Variants in SLC30A8 observed in about 807,000 individuals in gnomAD.
SLC30A8 encodes the protein proton-coupled zinc antiporter SLC30A8.
A neutral mutation model predicts 36.9 loss-of-function variants in SLC30A8; 27 were observed. The observed-to-expected ratio is 0.73, with a 90% CI of 0.54 to 1.01. The LOEUF is 1.01. Among genes scored for constraint, SLC30A8 ranks in the 50% least tolerant of loss-of-function variants. The pLI is 0.00. For synonymous variants in SLC30A8, 164 were observed against 172.4 expected (o/e 0.95, Z 0.38); for missense variants, 439 against 452.0 (o/e 0.97, Z 0.26).
At chr8:116,980,933 G>A (rs775533065) in intron 1 of SLC30A8, among the ~76,000 whole-genome samples, 1 of 152,166 alleles carries the variant, frequency 6.6e-6, no homozygotes, top group African/African-American at 2.4e-5. Context: ...TAATGAATGG[G>A]TGTTCTAATT....
At chr8:117,100,551 G>A (rs1204588668) in intron 2 of SLC30A8, among the ~76,000 whole-genome samples, 1 of 152,134 alleles carries the variant, frequency 6.6e-6, no homozygotes, top group Admixed American at 6.6e-5. Flanking sequence ...TGGAGTACTG[G>A]TTTGTGCTGG....
intron 2 of SLC30A8, among the ~76,000 whole-genome samples, chr8:117,104,639 C>A (rs867718612): frequency 6.6e-6 from 1 of 152,070 alleles, no homozygotes; most frequent in African/African-American, 2.4e-5. Flanking sequence ...TGATCCAGAC[C>A]CCAAGAGAGG....
At chr8:116,984,019 C>T (rs376071424) in intron 1 of SLC30A8, among the ~76,000 whole-genome samples, 23 of 152,224 alleles carry the variant, frequency 1.5e-4, no homozygotes, top group African/African-American at 2.9e-4. Context: ...CTCTAGCCAC[C>T]GCTAATCTGT....
chr8:117,096,980 A>T (rs141638099), intron 2 of SLC30A8, among the ~76,000 whole-genome samples: 2 of 152,228 alleles, frequency 1.3e-5, no homozygotes, highest in Non-Finnish European at 2.9e-5. Context: ...TATCTTTAAG[A>T]AGCTTATATT....
chr8:117,003,758 G>A (rs983747903), intron 1 of SLC30A8, among the ~76,000 whole-genome samples: 4 of 152,150 alleles, frequency 2.6e-5, no homozygotes, highest in African/African-American at 9.7e-5. Context: ...AGCAGTGAAA[G>A]CAAATAGGTT....
At chr8:116,960,518 C>A (rs1814381521) in intron 1 of SLC30A8, among the ~76,000 whole-genome samples, 1 of 152,158 alleles carries the variant, frequency 6.6e-6, no homozygotes, top group African/African-American at 2.4e-5. Flanking sequence ...AAGGGAAATA[C>A]CGTAAGTATT....
At chr8:116,969,578 G>A (rs962707260) in intron 1 of SLC30A8, among the ~76,000 whole-genome samples, 22 of 152,132 alleles carry the variant, frequency 1.4e-4, no homozygotes, top group African/African-American at 7.2e-5. Flanking sequence ...TTGTCATTGC[G>A]CAGACCTCAT....
At chr8:117,164,932 C>T (rs187655495) in intron 6 of SLC30A8, among the ~76,000 whole-genome samples, 55 of 152,240 alleles carry the variant, frequency 3.6e-4, no homozygotes, top group African/African-American at 1.2e-3. Flanking sequence ...CAAAGAAATC[C>T]GTCCTTATGC....
intron 1 of SLC30A8, among the ~76,000 whole-genome samples, chr8:117,038,407 C>A (rs1817282265): frequency 6.6e-6 from 1 of 152,104 alleles, no homozygotes; most frequent in Admixed American, 6.5e-5. Flanking sequence ...ATATCTGCTG[C>A]TGTATATCTT....
rs1315321590 is a variant in SLC30A8, at chr8:117,138,710, T to C, written c.71+3312T>C. Among the ~76,000 whole-genome samples, 3 of 151,902 alleles carry C rather than the reference T, an allele frequency of 2.0e-5. No individual in the cohort carries two copies. In the East Asian group the frequency reaches 5.8e-4, roughly 30 times the overall value. ...TATCCCTGCCCTGGATCACTCATAG[T>C]GTATAGGATGTATTCCAGGAGGCAT... is the stretch of plus-strand genomic sequence containing the variant. On this transcript the variant is annotated intron_variant, in intron 1 of 7. Coordinates refer to ENST00000456015, the MANE Select transcript of SLC30A8 (RefSeq NM_173851.3).
intron 2 of SLC30A8, among the ~76,000 whole-genome samples, chr8:117,050,551 G>A (rs372138303): frequency 6.6e-6 from 1 of 151,876 alleles, no homozygotes; most frequent in Admixed American, 6.6e-5. Context: ...GATTACAGGC[G>A]AGCACCACCG....
chr8:117,069,295 TG>T (rs1818258226), intron 2 of SLC30A8, among the ~76,000 whole-genome samples: 1 of 152,192 alleles, frequency 6.6e-6, no homozygotes, highest in Non-Finnish European at 1.5e-5. Flanking sequence ...AAGTATATCG[TG>T]GTGTTCCAAA....
At chr8:117,009,672 G>A (rs75624332) in intron 1 of SLC30A8, among the ~76,000 whole-genome samples, 2,187 of 152,246 alleles carry the variant, frequency 0.014, 58 homozygotes, top group African/African-American at 0.05. Flanking sequence ...AGGAGAAGCT[G>A]ATAAATTCAG....
At chr8:116,993,637 AAACAGGT>A (rs950311030) in intron 1 of SLC30A8, among the ~76,000 whole-genome samples, 9 of 152,058 alleles carry the variant, frequency 5.9e-5, no homozygotes, top group African/African-American at 2.2e-4. Flanking sequence ...TGGAGAATAG[AAACAGGT>A]AACCAGAATC....
intron 2 of SLC30A8, among the ~76,000 whole-genome samples, chr8:117,045,243 C>T (rs1482189914): frequency 6.6e-6 from 1 of 152,126 alleles, no homozygotes; most frequent in Non-Finnish European, 1.5e-5. Flanking sequence ...GAACCTTTTA[C>T]AATCTGGATG....
intron 1 of SLC30A8, among the ~76,000 whole-genome samples, chr8:117,139,324 A>G (rs987501454): frequency 3.9e-5 from 6 of 152,008 alleles, no homozygotes; most frequent in Non-Finnish European, 8.8e-5. Context: ...TAATGTTCTT[A>G]TAAGAAGAGA....
chr8:117,101,212 C>T (rs1304637398), intron 2 of SLC30A8, among the ~76,000 whole-genome samples: 2 of 152,136 alleles, frequency 1.3e-5, no homozygotes, highest in Non-Finnish European at 2.9e-5. Flanking sequence ...TTGTTGGAGA[C>T]CTCCCAGTAA....
chr8:117,007,882 C>T (rs1816232210), intron 1 of SLC30A8, among the ~76,000 whole-genome samples: 2 of 152,006 alleles, frequency 1.3e-5, no homozygotes, highest in Non-Finnish European at 2.9e-5. Flanking sequence ...TTGATGTACA[C>T]AAAAACACTT....
intron 2 of SLC30A8, among the ~76,000 whole-genome samples, chr8:117,082,296 A>G (rs1387168213): frequency 6.6e-6 from 1 of 152,152 alleles, no homozygotes; most frequent in Non-Finnish European, 1.5e-5. Context: ...GTATGTAATG[A>G]CTCCCTAATG....
Sources: allele counts gnomAD v4.1 joint callset (sites outside exome capture counted in the v4.1 genomes callset), GRCh38; gene constraint gnomAD v4.1.1; transcripts MANE v1.5; gene names NCBI Gene and HGNC (gene_info 2026-07-23, HGNC 2026-07-21).